PSMA5: variants seen among roughly 807,000 people sequenced by gnomAD.
The protein encoded by PSMA5 is proteasome 20S subunit alpha 5.
In PSMA5, 3 loss-of-function variants were observed where a neutral mutation model predicts 34.5. That is an observed-to-expected ratio of 0.09 (90% CI 0.04 to 0.22). PSMA5 has a LOEUF of 0.22. Ranked by LOEUF, PSMA5 falls within the 10% of genes least tolerant of loss-of-function variation. PSMA5 has a pLI of 1.00. For missense variants in PSMA5, 120 were observed against 286.1 expected (o/e 0.42, Z 4.19); for synonymous variants, 88 against 95.8 (o/e 0.92, Z 0.47).
chr1:109,419,497 G>A (rs545280096), intron 2 of PSMA5, among the ~76,000 whole-genome samples: 4 of 151,982 alleles, frequency 2.6e-5, no homozygotes, highest in East Asian at 1.9e-4. Flanking sequence ...GCGAAACCCC[G>A]TCTCTACAAA....
At chr1:109,403,637 AAATT>A (rs923173366) in intron 8 of PSMA5, among the ~76,000 whole-genome samples, 4 of 152,032 alleles carry the variant, frequency 2.6e-5, no homozygotes, top group East Asian at 3.8e-4. Flanking sequence ...CTAAAACAAT[AAATT>A]AATTAATAAT....
chr1:109,403,565 G>A (rs1456617222), intron 8 of PSMA5, among the ~76,000 whole-genome samples: 1 of 152,020 alleles, frequency 6.6e-6, no homozygotes. Context: ...GGGAGGTTGT[G>A]GCTGCAGTGA....
chr1:109,419,021 C>T (rs546863414), intron 2 of PSMA5, among the ~76,000 whole-genome samples: 17 of 152,024 alleles, frequency 1.1e-4, no homozygotes, highest in African/African-American at 4.1e-4. Flanking sequence ...AGCGTGGTGG[C>T]GCATGCCTGT....
At chr1:109,417,613 A>T (rs1383982776) in intron 2 of PSMA5, among the ~76,000 whole-genome samples, 2 of 152,220 alleles carry the variant, frequency 1.3e-5, no homozygotes, top group Non-Finnish European at 2.9e-5. Flanking sequence ...AGGCAGGAAT[A>T]ATGTACTGAA....
chr1:109,402,736 G>A (rs1338391722), intron 8 of PSMA5, among the ~76,000 whole-genome samples: 3 of 152,030 alleles, frequency 2.0e-5, no homozygotes, highest in Non-Finnish European at 2.9e-5. Context: ...ATGGAGTTTC[G>A]CTCTTGTTGT....
At chr1:109,403,755 TATG>T (rs1464272313) in intron 8 of PSMA5, among the ~76,000 whole-genome samples, 1 of 152,242 alleles carries the variant, frequency 6.6e-6, no homozygotes, top group East Asian at 1.9e-4. Context: ...AATCCAGTTA[TATG>T]ATGTTTAGTA....
intron 7 of PSMA5, among the ~76,000 whole-genome samples, chr1:109,410,546 TC>T (rs1653949772): frequency 6.6e-6 from 1 of 152,256 alleles, no homozygotes; most frequent in African/African-American, 2.4e-5. Flanking sequence ...AACCAAATCT[TC>T]CCATCTCACA....
chr1:109,411,976 AAAGT>A, intron 5 of PSMA5, 41 bp from the exon 6 acceptor site: 1 of 1,594,260 alleles, frequency 6.3e-7, no homozygotes, highest in South Asian at 1.1e-5. Context: ...AAATGGCTAT[AAAGT>A]AAGGAGGTGA....
At chr1:109,423,579 G>A (rs915075770) in intron 1 of PSMA5, among the ~76,000 whole-genome samples, 1 of 152,118 alleles carries the variant, frequency 6.6e-6, no homozygotes, top group Non-Finnish European at 1.5e-5. Context: ...CAGCCACCTT[G>A]CAAAATTGAC....
At chr1:109,413,395 G>A (rs1192606851) in intron 3 of PSMA5, among the ~76,000 whole-genome samples, 1 of 152,148 alleles carries the variant, frequency 6.6e-6, no homozygotes, top group Non-Finnish European at 1.5e-5. Context: ...AACCAAACAT[G>A]AATTTCCACA....
At chr1:109,419,972 CAAAAAAAA>C (rs1159333248) in intron 2 of PSMA5, among the ~76,000 whole-genome samples, 12 of 62,030 alleles carry the variant, frequency 1.9e-4, no homozygotes, top group African/African-American at 6.7e-4. Context: ...GACTCTGTCT[CAAAAAAAA>C]AAAAAAAAAG....
intron 1 of PSMA5, among the ~76,000 whole-genome samples, chr1:109,425,123 T>TG (rs1654602744): frequency 6.6e-6 from 1 of 152,238 alleles, no homozygotes; most frequent in African/African-American, 2.4e-5. Flanking sequence ...TGTCCATTGC[T>TG]GTAGCACCAG....
chr1:109,412,219 A>G (rs1278062251), intron 4 of PSMA5, 35 bp from the exon 5 acceptor site: 5 of 1,545,200 alleles, frequency 3.2e-6, no homozygotes, highest in Non-Finnish European at 3.6e-6. Flanking sequence ...CAACCTTCTA[A>G]TAAGGACATT....
At chr1:109,413,674 C>A (rs1414184923) in intron 3 of PSMA5, among the ~76,000 whole-genome samples, 1 of 152,224 alleles carries the variant, frequency 6.6e-6, no homozygotes, top group Admixed American at 6.5e-5. Flanking sequence ...TGGCTCAAAT[C>A]TAAATCTCCA....
chr1:109,412,999 A>G lies in PSMA5; in HGVS notation c.291+69T>C, dbSNP rs570050285. On this transcript the variant is annotated intron_variant, in intron 4 of 8. Transcript: ENST00000271308. ...GACACAGGTACCTGCAGTATAGCCC[A>G]GGCAGCTAGATAATCACTAAACAAG... 93 of 1,350,848 alleles carry G rather than the reference A, an allele frequency of 6.9e-5. No homozygotes were observed. In the African/African-American group the frequency reaches 1.1e-3, roughly 16 times the overall value. The allele number at this position is 1,350,848 out of a possible 1,614,324, so 83.7% of individuals were successfully genotyped here.
chr1:109,410,584 T>A (rs1306624781), intron 7 of PSMA5, among the ~76,000 whole-genome samples: 1 of 152,214 alleles, frequency 6.6e-6, no homozygotes, highest in Non-Finnish European at 1.5e-5. Context: ...CCCACTTGCT[T>A]CAAGAGCCAA....
intron 1 of PSMA5, among the ~76,000 whole-genome samples, chr1:109,422,482 CTTT>C (rs35947865): frequency 2.4e-4 from 30 of 123,876 alleles, no homozygotes; most frequent in Admixed American, 6.9e-4. Flanking sequence ...ACAGTTATTA[CTTT>C]TTTTTTTTTT....
rs190405568 is a variant in PSMA5, at chr1:109,416,947, A to G, written c.97-1584T>C. On this transcript the variant is annotated intron_variant, in intron 2 of 8. Coordinates refer to ENST00000271308, the MANE Select transcript of PSMA5 (RefSeq NM_002790.4). ...TGGTGAAACCCTGTTTCTATAAAAA[A>G]TACAATAATTAGCCAGGCTTGGTGG... Among the ~76,000 whole-genome samples the G allele has an allele frequency of 1.2e-4, 18 of 152,320 alleles. 1 individual carries two copies. The East Asian group carries it at 3.5e-3, about 29-fold the overall frequency.
intron 8 of PSMA5, among the ~76,000 whole-genome samples, chr1:109,404,189 TG>T (rs1653655408): frequency 6.6e-6 from 1 of 152,010 alleles, no homozygotes; most frequent in Non-Finnish European, 1.5e-5. Context: ...TCGGGCATGG[TG>T]GCACACGCCT....
Sources: gnomAD v4.1 joint callset for allele counts (sites outside exome capture counted in the v4.1 genomes callset) on GRCh38, gnomAD v4.1.1 for gene constraint, MANE v1.5 for transcripts, NCBI Gene and HGNC (gene_info 2026-07-23, HGNC 2026-07-21) for gene names.